Variants in METAP1 observed in about 807,000 individuals in gnomAD.
METAP1 encodes methionyl aminopeptidase 1.
A neutral mutation model predicts 53.8 loss-of-function variants in METAP1; 28 were observed. The ratio of observed to expected loss-of-function variants is 0.52; its 90% CI spans 0.39 to 0.71. METAP1 has a LOEUF of 0.71. Ranked by LOEUF, METAP1 falls within the 30% of genes least tolerant of loss-of-function variation. The pLI, the probability that METAP1 is intolerant of heterozygous loss-of-function variation, is 0.00. For synonymous variants in METAP1, 181 were observed against 165.7 expected (o/e 1.09, Z -0.71); for missense variants, 389 against 479.8 (o/e 0.81, Z 1.77).
chr4:99,042,443 A>G (rs1318634026), intron 6 of METAP1, among the ~76,000 whole-genome samples: 1 of 152,156 alleles, frequency 6.6e-6, no homozygotes, highest in Non-Finnish European at 1.5e-5. Flanking sequence ...GAAATTACGT[A>G]TACTGTGATT....
intron 2 of METAP1, chr4:99,031,383 G>C: frequency 7.8e-6 from 9 of 1,154,714 alleles, no homozygotes; most frequent in Non-Finnish European, 9.0e-6. Context: ...GGAATAATTT[G>C]ACAAGTATCT....
At position 99,035,400 on chromosome 4, in the gene METAP1, A is replaced by T. The variant is rs756686060; in HGVS notation, c.280A>T (p.Met94Leu). The T allele has an allele frequency of 6.5e-7, 1 of 1,545,176 alleles. No individual in the cohort carries two copies. The highest frequency in any genetic ancestry group is 1.2e-5 in the South Asian group (1 of 83,854). The part of the protein sequence containing the change: ...TGKLRPHYPL[M>L]PTRPVPSYIQ... ...CAGTTTTAACTAACTTTGTTTTTAG[A>T]TGCCAACAAGGCCAGTGCCAAGTTA... Residue 94 changes from methionine to leucine, a missense_variant and splice_region_variant, in exon 4 of 11, where the codon ATG becomes TTG. By Grantham distance (15) the Met-to-Leu change is conservative. Transcript: ENST00000296411.
At chr4:99,025,837 G>A (rs935204125) in intron 1 of METAP1, among the ~76,000 whole-genome samples, 1 of 152,150 alleles carries the variant, frequency 6.6e-6, no homozygotes, top group African/African-American at 2.4e-5. Flanking sequence ...GTTACCTGGA[G>A]GCTTCATCTG....
intron 4 of METAP1, among the ~76,000 whole-genome samples, chr4:99,037,417 C>A (rs930655726): frequency 2.6e-5 from 4 of 151,870 alleles, no homozygotes; most frequent in African/African-American, 9.7e-5. Context: ...TTTCTTCTAG[C>A]ATTTTTATGG....
rs372759854 is a variant in METAP1, at chr4:98,995,813, C to G, written c.60C>G (p.Leu20=). 143 of 1,545,436 alleles carry G rather than the reference C, an allele frequency of 9.3e-5. No individual in the cohort carries two copies. The highest frequency in any genetic ancestry group is 1.7e-4 in the Middle Eastern group (1 of 5,974). ...ETDGCSSEAK[L]QCPTCIKLGI... ...ACGGCTGCAGCAGTGAGGCCAAGCT[C>G]CAGTGTCCCACTTGCATCAAGCTGG... The change falls in exon 1 of 11, where the codon CTC becomes CTG. Residue 20 remains leucine, a synonymous_variant. Coordinates refer to ENST00000296411, the MANE Select transcript of METAP1 (RefSeq NM_015143.3).
chr4:99,023,189 C>G, intron 1 of METAP1: 1 of 523,470 alleles, frequency 1.9e-6, no homozygotes, highest in Non-Finnish European at 3.2e-6. Context: ...TGCATAGATT[C>G]ATTTGCATGG....
intron 10 of METAP1, among the ~76,000 whole-genome samples, chr4:99,060,877 G>T (rs1036889432): frequency 6.6e-6 from 1 of 152,026 alleles, no homozygotes; most frequent in East Asian, 1.9e-4. Context: ...TGTGGTGATT[G>T]GTATCAATAT....
intron 1 of METAP1, among the ~76,000 whole-genome samples, chr4:99,024,562 G>A (rs1443005873): frequency 6.6e-6 from 1 of 152,160 alleles, no homozygotes; most frequent in African/African-American, 2.4e-5. Flanking sequence ...GACCACATGA[G>A]CCAGTTTACT....
At chr4:98,996,165 C>T (rs1722614102) in intron 1 of METAP1, among the ~76,000 whole-genome samples, 4 of 152,026 alleles carry the variant, frequency 2.6e-5, no homozygotes, top group Admixed American at 6.5e-5. Context: ...CCTCCGCGTT[C>T]TGGGGCCGGT....
At chr4:99,061,108 A>G (rs768989070) in intron 10 of METAP1, 46 bp from the exon 11 acceptor site, 1 of 1,584,126 alleles carries the variant, frequency 6.3e-7, no homozygotes, top group South Asian at 1.1e-5. Context: ...GATAGAGTTC[A>G]TTTAGAAAAC....
At chr4:99,021,767 C>G (rs1344211865) in intron 1 of METAP1, among the ~76,000 whole-genome samples, 1 of 152,064 alleles carries the variant, frequency 6.6e-6, no homozygotes, top group East Asian at 1.9e-4. Flanking sequence ...TAAAACTTTC[C>G]TAAATAGGAA....
intron 9 of METAP1, among the ~76,000 whole-genome samples, chr4:99,055,556 A>T (rs1727051610): frequency 6.6e-6 from 1 of 152,194 alleles, no homozygotes; most frequent in South Asian, 2.1e-4. Context: ...CTGCGATAGT[A>T]TAGTCACTCA....
At chr4:99,057,881 C>A (rs961691543) in intron 10 of METAP1, 63 bp downstream of exon 10, 6 of 1,391,372 alleles carry the variant, frequency 4.3e-6, no homozygotes, top group African/African-American at 1.4e-5. Context: ...GGTAATTCAT[C>A]ATGTCAGTGG....
At chr4:99,022,465 G>T in intron 1 of METAP1, 1 of 612,488 alleles carries the variant, frequency 1.6e-6, no homozygotes. Flanking sequence ...TGCTTTCCGG[G>T]CCCTCAGTTC....
At chr4:99,046,110 A>G (rs1726213839) in intron 8 of METAP1, among the ~76,000 whole-genome samples, 1 of 152,034 alleles carries the variant, frequency 6.6e-6, no homozygotes, top group South Asian at 2.1e-4. Context: ...TCAGTATCTT[A>G]TGGGGATAAG....
chr4:98,999,151 C>T (rs991802539), intron 1 of METAP1, among the ~76,000 whole-genome samples: 1 of 152,050 alleles, frequency 6.6e-6, no homozygotes, highest in Non-Finnish European at 1.5e-5. Context: ...CATGAATGAT[C>T]CTATCTTGTT....
intron 9 of METAP1, among the ~76,000 whole-genome samples, chr4:99,053,283 C>G (rs533521667): frequency 1.7e-4 from 26 of 152,240 alleles, no homozygotes; most frequent in Non-Finnish European, 3.2e-4. Flanking sequence ...GGGTCTCACT[C>G]TGGTTGCCCA....
chr4:99,001,390 A>G lies in METAP1; in HGVS notation c.114+5523A>G, dbSNP rs1722919273. Among the ~76,000 whole-genome samples, 3 of 152,246 alleles carry G rather than the reference A, an allele frequency of 2.0e-5. No homozygotes were observed. In the South Asian group the frequency reaches 6.2e-4, roughly 31 times the overall value. The stretch of plus-strand genomic sequence containing the variant: ...AATTGTTTATTGTAGAAAAATAGAA[A>G]ATATGTGTGAAGATAATCAATTACC... On this transcript the variant is annotated intron_variant, in intron 1 of 10. Coordinates refer to ENST00000296411, the MANE Select transcript of METAP1 (RefSeq NM_015143.3).
intron 9 of METAP1, among the ~76,000 whole-genome samples, chr4:99,057,450 T>C: frequency 6.6e-6 from 1 of 152,220 alleles, no homozygotes; most frequent in East Asian, 1.9e-4. Flanking sequence ...CACTTTTCTT[T>C]TATTCTTTAT....
Sources: allele counts gnomAD v4.1 joint callset (sites outside exome capture counted in the v4.1 genomes callset), GRCh38; gene constraint gnomAD v4.1.1; transcripts MANE v1.5; gene names NCBI Gene and HGNC (gene_info 2026-07-23, HGNC 2026-07-21).